Variants in SLC25A21 observed in about 807,000 individuals in gnomAD.
SLC25A21 encodes solute carrier family 25 member 21.
Under a neutral mutation model 43.8 loss-of-function variants are expected in SLC25A21, and 47 were observed. That is an observed-to-expected ratio of 1.07 (90% CI 0.85 to 1.37). The LOEUF is 1.37. Ranked by LOEUF, SLC25A21 falls within the 40% of genes most tolerant of loss-of-function variation. The probability of loss-of-function intolerance (pLI) is 0.00; values close to 1 mark genes in which losing one functional copy is unlikely to be tolerated. For missense variants in SLC25A21, 352 were observed against 350.2 expected, an observed-to-expected ratio of 1.00 and a Z score of -0.04; for synonymous variants, 131 against 121.3, an observed-to-expected ratio of 1.08 and a Z score of -0.52.
chr14:36,743,187 A>G (rs1238885260), intron 3 of SLC25A21, among the ~76,000 whole-genome samples: 1 of 152,174 alleles, frequency 6.6e-6, no homozygotes. Context: ...AAGGAAAGAA[A>G]AAGTGAAAAA....
chr14:36,737,917 G>T (rs370824373), intron 3 of SLC25A21, among the ~76,000 whole-genome samples: 1 of 152,140 alleles, frequency 6.6e-6, no homozygotes, highest in African/African-American at 2.4e-5. Context: ...GGCCTTTCTC[G>T]AATATTGGTA....
intron 2 of SLC25A21, among the ~76,000 whole-genome samples, chr14:36,827,970 T>G (rs1888895584): frequency 6.6e-6 from 1 of 152,212 alleles, no homozygotes; most frequent in Non-Finnish European, 1.5e-5. Context: ...ACTTTTTTGT[T>G]ACATTGCAAC....
intron 1 of SLC25A21, among the ~76,000 whole-genome samples, chr14:37,046,372 C>T (rs548144075): frequency 2.6e-5 from 4 of 152,210 alleles, no homozygotes; most frequent in African/African-American, 9.6e-5. Flanking sequence ...ATATTTCCTC[C>T]ATCCCCCAAA....
chr14:36,950,971 C>A (rs1037874537), intron 1 of SLC25A21, among the ~76,000 whole-genome samples: 3 of 152,140 alleles, frequency 2.0e-5, no homozygotes, highest in African/African-American at 7.2e-5. Context: ...TCTCCAGGAG[C>A]TCAAGGCTCT....
intron 1 of SLC25A21, among the ~76,000 whole-genome samples, chr14:37,025,503 A>G (rs1280151644): frequency 1.3e-5 from 2 of 152,164 alleles, no homozygotes; most frequent in African/African-American, 4.8e-5. Context: ...ATAATTGCAA[A>G]TTAATTTGTG....
In SLC25A21 at chr14:36,685,027, C is replaced by T. The variant is rs889317907; in HGVS notation, c.604-102G>A. ...GTATTTAAGCAGAGCATTGCACTCC[C>T]GGCACCCTCCTGTTATTCCAGCGGA... On this transcript the variant is annotated intron_variant, in intron 7 of 9. Transcript: ENST00000331299. The T allele has an allele frequency of 2.1e-5, 17 of 794,204 alleles. No homozygotes were observed. In the South Asian group the frequency reaches 2.2e-4, roughly 10 times the overall value. The allele number at this position is 794,204 out of a possible 1,614,324, so 49.2% of individuals were successfully genotyped here.
intron 7 of SLC25A21, among the ~76,000 whole-genome samples, chr14:36,690,521 C>A (rs2139150659): frequency 6.6e-6 from 1 of 152,284 alleles, no homozygotes; most frequent in Admixed American, 6.5e-5. Context: ...CATATTGCTT[C>A]TTGTGACTGA....
chr14:37,172,195 T>C, intron 1 of SLC25A21, 86 bp downstream of exon 1: 6 of 1,352,692 alleles, frequency 4.4e-6, no homozygotes, highest in Non-Finnish European at 6.1e-6. Context: ...AGAACTTCAG[T>C]AAGGAGACCT....
chr14:36,897,938 G>C (rs1891290932), intron 1 of SLC25A21, among the ~76,000 whole-genome samples: 1 of 152,192 alleles, frequency 6.6e-6, no homozygotes, highest in Non-Finnish European at 1.5e-5. Flanking sequence ...GTGTCGGTCT[G>C]ACCCTACTGG....
intron 1 of SLC25A21, among the ~76,000 whole-genome samples, chr14:37,153,807 G>T (rs1963800283): frequency 6.6e-6 from 1 of 152,120 alleles, no homozygotes; most frequent in Admixed American, 6.5e-5. Flanking sequence ...CCTTAACAGA[G>T]CACATAGCCC....
chr14:36,757,310 A>G (rs1271306643), intron 3 of SLC25A21, among the ~76,000 whole-genome samples: 1 of 152,294 alleles, frequency 6.6e-6, no homozygotes, highest in East Asian at 1.9e-4. Context: ...ACCCAAATAC[A>G]TATAAAGTAC....
intron 1 of SLC25A21, among the ~76,000 whole-genome samples, chr14:36,886,094 C>T (rs1890903931): frequency 6.6e-6 from 1 of 152,164 alleles, no homozygotes; most frequent in Non-Finnish European, 1.5e-5. Context: ...AGAACAACTA[C>T]AGACAGAACT....
At chr14:36,970,150 A>T (rs925276362) in intron 1 of SLC25A21, among the ~76,000 whole-genome samples, 1 of 152,208 alleles carries the variant, frequency 6.6e-6, no homozygotes, top group Non-Finnish European at 1.5e-5. Flanking sequence ...GAGAAAATTT[A>T]AAAATATAGC....
chr14:36,875,669 A>G (rs949407154), intron 1 of SLC25A21, among the ~76,000 whole-genome samples: 5 of 152,200 alleles, frequency 3.3e-5, no homozygotes, highest in African/African-American at 1.2e-4. Context: ...ATTGAAGCAT[A>G]TAAGTTAAAT....
intron 1 of SLC25A21, among the ~76,000 whole-genome samples, chr14:36,925,445 T>C (rs1433594384): frequency 6.6e-6 from 1 of 152,170 alleles, no homozygotes; most frequent in East Asian, 1.9e-4. Context: ...AATCAGACAA[T>C]GTCAACTTCA....
rs1882039869 is a variant in SLC25A21, at chr14:36,678,823, A to C, written c.*1835T>G. 1 of 996,110 alleles carries C rather than the reference A, an allele frequency of 1.0e-6. No individual in the cohort carries two copies. The allele number at this position is 996,110 out of a possible 1,614,324, so 61.7% of individuals were successfully genotyped here. A position where few individuals can be genotyped will look rare whatever the true frequency, so the allele number is the denominator to read the frequency against. ...TCCTTTTCTCCCTCTAGGTCTTAAC[A>C]GTGAATTCACATGGAGTAATTTTTA... On this transcript the variant is annotated 3_prime_UTR_variant, in exon 10 of 10. Coordinates refer to ENST00000331299, the MANE Select transcript of SLC25A21 (RefSeq NM_030631.4).
intron 1 of SLC25A21, among the ~76,000 whole-genome samples, chr14:37,099,813 GT>G (rs1962782628): frequency 6.6e-6 from 1 of 152,100 alleles, no homozygotes; most frequent in Non-Finnish European, 1.5e-5. Context: ...CTCTGAGAGA[GT>G]AAGTGATTTT....
intron 3 of SLC25A21, among the ~76,000 whole-genome samples, chr14:36,790,357 C>T (rs1887440571): frequency 6.6e-6 from 1 of 152,056 alleles, no homozygotes; most frequent in Non-Finnish European, 1.5e-5. Flanking sequence ...TAAATCCATA[C>T]ATCATCCTTA....
At chr14:36,758,590 C>CA (rs11314165) in intron 3 of SLC25A21, among the ~76,000 whole-genome samples, 28,226 of 127,496 alleles carry the variant, frequency 0.22, 2,934 homozygotes, top group East Asian at 0.33. Flanking sequence ...TCAGCCAGGT[C>CA]AAAAAAAAAA....
Sources: allele counts gnomAD v4.1 joint callset (sites outside exome capture counted in the v4.1 genomes callset), GRCh38; gene constraint gnomAD v4.1.1; transcripts MANE v1.5; gene names NCBI Gene and HGNC (gene_info 2026-07-23, HGNC 2026-07-21).